Variants in TULP4 observed in about 807,000 individuals in gnomAD.
The protein encoded by TULP4 is TUB like protein 4, also known as tubby-related protein 4.
Under a neutral mutation model 129.0 loss-of-function variants are expected in TULP4, and 16 were observed. The observed-to-expected ratio is 0.12, with a 90% CI of 0.08 to 0.19. The LOEUF is 0.19. TULP4 is among the 10% of genes least tolerant of loss of function. TULP4 has a pLI of 1.00. For missense variants in TULP4, 1,842 were observed against 2,059.1 expected, an observed-to-expected ratio of 0.89 and a Z score of 2.04; for synonymous variants, 998 against 854.0, an observed-to-expected ratio of 1.17 and a Z score of -2.94.
intron 1 of TULP4, among the ~76,000 whole-genome samples, chr6:158,347,943 G>T (rs1780350497): frequency 6.6e-6 from 1 of 150,424 alleles, no homozygotes; most frequent in African/African-American, 2.4e-5. Flanking sequence ...TTTCTAAATT[G>T]CATATTTCAT....
intron 8 of TULP4, among the ~76,000 whole-genome samples, chr6:158,486,205 G>A (rs112661876): frequency 6.6e-6 from 1 of 152,056 alleles, no homozygotes; most frequent in Non-Finnish European, 1.5e-5. Context: ...TTTGGAGTTA[G>A]GACTTACAGG....
intron 1 of TULP4, among the ~76,000 whole-genome samples, chr6:158,302,161 G>C (rs4269395): frequency 0.94 from 142,473 of 152,242 alleles, 66,728 homozygotes; most frequent in Admixed American, 0.96. Flanking sequence ...TGAGCTCAAA[G>C]TAGTGAAAGC....
intron 1 of TULP4, chr6:158,242,285 T>TG (rs3841146): frequency 0.38 from 598,157 of 1,556,380 alleles, 118,530 homozygotes; most frequent in Admixed American, 0.49. Flanking sequence ...CATGCAGTGT[T>TG]TAGCACAGCT....
At chr6:158,416,778 T>G (rs1165745763) in intron 2 of TULP4, among the ~76,000 whole-genome samples, 1 of 152,238 alleles carries the variant, frequency 6.6e-6, no homozygotes, top group African/African-American at 2.4e-5. Context: ...GAGCAACTTC[T>G]AGTCCTGCAA....
chr6:158,368,773 A>T (rs1262760020), intron 1 of TULP4, among the ~76,000 whole-genome samples: 1 of 152,230 alleles, frequency 6.6e-6, no homozygotes, highest in Non-Finnish European at 1.5e-5. Flanking sequence ...ATATACACAC[A>T]TACTCTCTTT....
Position 158,498,832 on chromosome 6 carries a change from C to T in TULP4, c.2014+20C>T, listed in dbSNP as rs753330759. 3.7e-6 allele frequency: 6 copies of T among 1,612,510 alleles called. No homozygotes were observed. The highest frequency in any genetic ancestry group is 2.2e-5 in the East Asian group (1 of 44,864). ...TACCAGGTGTGTTCACATACATCAA[C>T]GTGTTTGTCACGGTCCCTCTGTCAG... On this transcript the variant is annotated intron_variant, in intron 12 of 13. Transcript: ENST00000367097.
chr6:158,448,935 AG>A (rs1253796514), intron 3 of TULP4, 60 bp from the exon 4 acceptor site: 16 of 1,521,572 alleles, frequency 1.1e-5, no homozygotes, highest in Non-Finnish European at 1.4e-5. Context: ...CGAGGCAACA[AG>A]GTGTGCCAGA....
rs920745997 is a variant in TULP4, at chr6:158,313,212, G to A, written c.-805G>A. 1 of 329,838 alleles carries A rather than the reference G, an allele frequency of 3.0e-6. No homozygotes were observed. The highest frequency in any genetic ancestry group is 5.4e-6 in the Non-Finnish European group (1 of 183,968). 20.4% of individuals were successfully genotyped at this position (329,838 alleles called of 1,614,324 possible). ...AGGGGCCTTCTTTCTAGCCTCTATGGCACTGAGGGGTGCGCCGGCTGGTGG... is the reference window on the plus strand; with the variant it reads ...AGGGGCCTTCTTTCTAGCCTCTATGACACTGAGGGGTGCGCCGGCTGGTGG... On this transcript the variant is annotated 5_prime_UTR_variant, in exon 1 of 14. Coordinates refer to ENST00000367097, the MANE Select transcript of TULP4 (RefSeq NM_020245.5).
At position 158,481,133 on chromosome 6, in the gene TULP4, A is replaced by G. The variant is rs376271444; in HGVS notation, c.1330A>G (p.Met444Val). ...SAGNERLHCT[M>V]KRTEDDPEVG... The stretch of plus-strand genomic sequence containing the variant: ...CGGCAACGAGCGGCTGCACTGCACC[A>G]TGAAGCGCACAGAGGACGACCCGGA... The change falls in exon 8 of 14, where the codon ATG (methionine) becomes GTG (valine). Residue 444 changes from methionine (M) to valine (V), a missense_variant. Physicochemically the swap from Met to Val is conservative, Grantham distance 21 (BLOSUM62 1). Transcript: ENST00000367097. The G allele has an allele frequency of 6.8e-6, 11 of 1,612,864 alleles. No individual in the cohort carries two copies. The highest frequency in any genetic ancestry group is 1.6e-4 in the Middle Eastern group (1 of 6,078).
chr6:158,327,248 C>CA (rs1779765036), intron 1 of TULP4, among the ~76,000 whole-genome samples: 1 of 152,148 alleles, frequency 6.6e-6, no homozygotes, highest in Non-Finnish European at 1.5e-5. Context: ...AAAGTTTATG[C>CA]ATGTGTTCTT....
rs929047841 is a variant in TULP4 at position 158,387,480 on chromosome 6, G to A, written c.253-25585G>A. Among the ~76,000 whole-genome samples, 12 of 152,044 alleles carry A rather than the reference G, an allele frequency of 7.9e-5. No homozygotes were observed. In the South Asian group the frequency reaches 1.7e-3, roughly 21 times the overall value. On this transcript the variant is annotated intron_variant, in intron 1 of 13. Coordinates refer to ENST00000367097, the MANE Select transcript of TULP4 (RefSeq NM_020245.5). ...AAAATAATGCATAAACACCTTATAC[G>A]TTTTACTTTAACTTAAAGCATAATT...
chr6:158,449,111 C>G lies in TULP4; in HGVS notation c.659C>G (p.Pro220Arg). The change falls in exon 4 of 14, where the codon CCG becomes CGG. Residue 220 changes from proline (P) to arginine (R), a missense_variant. Around this residue, in one of 5 missense-constraint regions of TULP4, gnomAD observed 456 missense variants for 534.3 expected, o/e 0.85. Transcript: ENST00000367097. ...GTCCTCGGCATGTCCTGGAACTACC[C>G]GATCTTCCTGGTGGAGGACAGCAGC... is the stretch of plus-strand genomic sequence containing the variant. The part of the protein sequence containing the change: ...DGVLGMSWNY[P>R]IFLVEDSSES... 6.2e-7 allele frequency: 1 copy of G among 1,614,124 alleles called. No homozygotes were observed. The highest frequency in any genetic ancestry group is 8.5e-7 in the Non-Finnish European group (1 of 1,180,008).
intron 1 of TULP4, among the ~76,000 whole-genome samples, chr6:158,407,054 A>C (rs559371768): frequency 1.7e-4 from 26 of 152,348 alleles, no homozygotes; most frequent in African/African-American, 6.3e-4. Context: ...GATTAACTGA[A>C]TTGTGTTTGA....
At chr6:158,461,514 G>A in intron 5 of TULP4, 49 bp from the exon 6 acceptor site, 2 of 1,577,844 alleles carry the variant, frequency 1.3e-6, no homozygotes, top group Non-Finnish European at 1.7e-6. Flanking sequence ...CTGAGTGGCA[G>A]TTTGAGGAGG....
chr6:158,296,386 C>A (rs779242169), intron 1 of TULP4, among the ~76,000 whole-genome samples: 2 of 151,048 alleles, frequency 1.3e-5, no homozygotes, highest in Non-Finnish European at 3.0e-5. Context: ...ACAGCTGGGC[C>A]GCCGGAGGTG....
chr6:158,325,471 G>C (rs1343763656), intron 1 of TULP4, among the ~76,000 whole-genome samples: 1 of 149,788 alleles, frequency 6.7e-6, no homozygotes, highest in Non-Finnish European at 1.5e-5. Flanking sequence ...TCCTGCCTTA[G>C]CCTCCCGAGT....
At chr6:158,242,612 G>C (rs1777945121) in intron 1 of TULP4, 1 of 708,558 alleles carries the variant, frequency 1.4e-6, no homozygotes, top group African/African-American at 1.7e-5. Context: ...ACAGTTTGGT[G>C]CAAGTATTGA....
intron 1 of TULP4, among the ~76,000 whole-genome samples, chr6:158,257,928 G>T (rs1778277920): frequency 6.6e-6 from 1 of 152,214 alleles, no homozygotes; most frequent in South Asian, 2.1e-4. Flanking sequence ...CAGTGGCCTG[G>T]TGTGGAGCTG....
chr6:158,324,294 G>A (rs1054059251), intron 1 of TULP4, among the ~76,000 whole-genome samples: 2 of 152,152 alleles, frequency 1.3e-5, no homozygotes, highest in East Asian at 1.9e-4. Context: ...CATAATTAAC[G>A]TCATTGTCCT....
Sources: gnomAD v4.1 joint callset for allele counts (sites outside exome capture counted in the v4.1 genomes callset) on GRCh38, gnomAD v4.1.1 for gene constraint, gnomAD v4.1.1 regional missense constraint, MANE v1.5 for transcripts, NCBI Gene and HGNC (gene_info 2026-07-23, HGNC 2026-07-21) for gene names.